OOSP4A: variants seen among roughly 807,000 people sequenced by gnomAD.
The protein encoded by OOSP4A is oocyte-secreted protein 4A.
At chr11:59,969,306 A>G (rs2134587406) in intron 4 of OOSP4A, 22 bp downstream of exon 4, 1 of 398,188 alleles carries the variant, frequency 2.5e-6, no homozygotes, top group East Asian at 3.6e-5. Context: ...TTGAATTAGT[A>G]CCATAAATGT....
chr11:59,966,587 T>C (rs1054701899), intron 2 of OOSP4A, among the ~76,000 whole-genome samples: 3 of 152,126 alleles, frequency 2.0e-5, no homozygotes, highest in Non-Finnish European at 4.4e-5. Flanking sequence ...GCAATTCTCC[T>C]GCCTCAGCCT....
intron 1 of OOSP4A, 96 bp downstream of exon 1, chr11:59,964,195 T>C (rs2134583308): frequency 2.5e-6 from 1 of 392,592 alleles, no homozygotes; most frequent in Admixed American, 4.5e-5. Context: ...TGGGAGTTTG[T>C]TTTTTTTATA....
intron 2 of OOSP4A, 56 bp downstream of exon 2, chr11:59,965,769 C>A (rs1043792631): frequency 6.5e-5 from 26 of 397,744 alleles, no homozygotes; most frequent in Non-Finnish European, 1.0e-4. Flanking sequence ...TTTGGGTCCA[C>A]AAACCAATGA....
At chr11:59,968,339 C>G (rs1234158635) in intron 3 of OOSP4A, among the ~76,000 whole-genome samples, 2 of 152,160 alleles carry the variant, frequency 1.3e-5, no homozygotes, top group Non-Finnish European at 2.9e-5. Flanking sequence ...AGGGGGTGGT[C>G]ATCACAACTG....
chr11:59,964,765 T>G (rs772599502), intron 1 of OOSP4A, among the ~76,000 whole-genome samples: 1 of 152,166 alleles, frequency 6.6e-6, no homozygotes, highest in Non-Finnish European at 1.5e-5. Flanking sequence ...TTCTGAATCC[T>G]TAGTGTCACA....
intron 1 of OOSP4A, among the ~76,000 whole-genome samples, 151 bp downstream of exon 1, chr11:59,964,250 C>T (rs547086902): frequency 6.7e-6 from 1 of 149,484 alleles, no homozygotes; most frequent in South Asian, 2.1e-4. Context: ...AAAGTTACAG[C>T]CAGACTAGTT....
intron 4 of OOSP4A, among the ~76,000 whole-genome samples, 182 bp from the exon 5 acceptor site, chr11:59,969,867 T>C (rs1450774980): frequency 6.6e-6 from 1 of 152,210 alleles, no homozygotes; most frequent in Non-Finnish European, 1.5e-5. Context: ...AATATGTATG[T>C]GTGTATACAT....
intron 2 of OOSP4A, among the ~76,000 whole-genome samples, chr11:59,966,633 AC>A (rs1050316798): frequency 1.3e-5 from 2 of 151,874 alleles, no homozygotes; most frequent in African/African-American, 4.8e-5. Flanking sequence ...GCACCACCAC[AC>A]CTAACTAATT....
chr11:59,965,068 A>C (rs1039626786), intron 1 of OOSP4A, among the ~76,000 whole-genome samples: 4 of 145,012 alleles, frequency 2.8e-5, no homozygotes, highest in African/African-American at 2.5e-5. Flanking sequence ...GCATGTTCTC[A>C]CTCATAGGTG....
chr11:59,966,945 T>C, intron 2 of OOSP4A, 122 bp from the exon 3 acceptor site: 1 of 379,112 alleles, frequency 2.6e-6, no homozygotes, highest in Non-Finnish European at 4.7e-6. Context: ...ATACCTATTT[T>C]ATTTCATAAA....
At position 59,967,761 on chromosome 11, in the gene OOSP4A, G is replaced by A. The variant is rs1295092232; in HGVS notation, c.344+597G>A. Among the ~76,000 whole-genome samples the A allele has an allele frequency of 3.3e-5, 5 of 152,092 alleles. No homozygotes were observed. In the East Asian group the frequency reaches 9.7e-4, roughly 29 times the overall value. ...TGCAATGAGAGAGTAAAGCAGGAGA[G>A]CCTGTTGATGAAGGTGGAGGCAATT... is the stretch of plus-strand genomic sequence containing the variant. On this transcript the variant is annotated intron_variant, in intron 3 of 4. Coordinates refer to ENST00000645590, the Ensembl canonical transcript of OOSP4A.
At chr11:59,964,194 G>GT (rs373422232) in intron 1 of OOSP4A, 95 bp downstream of exon 1, 17 of 339,450 alleles carry the variant, frequency 5.0e-5, no homozygotes, top group South Asian at 1.8e-4. Flanking sequence ...TTGGGAGTTT[G>GT]TTTTTTTTAT....
chr11:59,969,999 T>A (rs1342397274), intron 4 of OOSP4A, 50 bp from the exon 5 acceptor site: 4 of 397,512 alleles, frequency 1.0e-5, no homozygotes, highest in Non-Finnish European at 1.3e-5. Flanking sequence ...AGTTAGATGG[T>A]AGTTTCCCAT....
intron 3 of OOSP4A, 44 bp from the exon 4 acceptor site, chr11:59,969,106 C>T: frequency 2.5e-6 from 1 of 397,840 alleles, no homozygotes; most frequent in Non-Finnish European, 4.4e-6. Flanking sequence ...CCTCCAAAAG[C>T]ATAATATATA....
At chr11:59,964,962 T>C (rs1854082485) in intron 1 of OOSP4A, among the ~76,000 whole-genome samples, 1 of 152,026 alleles carries the variant, frequency 6.6e-6, no homozygotes, top group South Asian at 2.1e-4. Context: ...TTAGTAAAAT[T>C]TGAACAATCC....
intron 3 of OOSP4A, among the ~76,000 whole-genome samples, chr11:59,967,968 T>C (rs1854118234): frequency 6.6e-6 from 1 of 152,220 alleles, no homozygotes; most frequent in South Asian, 2.1e-4. Context: ...TGGTGATATC[T>C]ACTTTTCTTA....
chr11:59,968,950 C>T (rs568753852), intron 3 of OOSP4A, among the ~76,000 whole-genome samples, 200 bp from the exon 4 acceptor site: 16 of 152,250 alleles, frequency 1.1e-4, no homozygotes, highest in Non-Finnish European at 1.6e-4. Context: ...AATGAAAAGT[C>T]GTATGCAACC....
intron 1 of OOSP4A, among the ~76,000 whole-genome samples, chr11:59,964,562 T>C (rs567297501): frequency 2.3e-4 from 35 of 152,286 alleles, no homozygotes; most frequent in Non-Finnish European, 4.3e-4. Context: ...AGGCTCTGAA[T>C]AGATTTGGCA....
At chr11:59,966,088 T>G (rs1437685111) in intron 2 of OOSP4A, among the ~76,000 whole-genome samples, 1 of 152,128 alleles carries the variant, frequency 6.6e-6, no homozygotes, top group Non-Finnish European at 1.5e-5. Flanking sequence ...ACCTAAAATT[T>G]TGATGAAAAT....
Sources: allele counts gnomAD v4.1 joint callset (sites outside exome capture counted in the v4.1 genomes callset), GRCh38; gene constraint gnomAD v4.1.1; transcripts MANE v1.5; gene names NCBI Gene and HGNC (gene_info 2026-07-23, HGNC 2026-07-21).